Variants in KAT6B observed in about 807,000 individuals in gnomAD.
KAT6B encodes lysine acetyltransferase 6B.
In KAT6B, 10 loss-of-function variants were observed where a neutral mutation model predicts 187.5. That is an observed-to-expected ratio of 0.05 (90% CI 0.03 to 0.09). KAT6B has a LOEUF of 0.09. Ranked by LOEUF, KAT6B falls within the 10% of genes least tolerant of loss-of-function variation. The probability of loss-of-function intolerance (pLI) is 1.00; values close to 1 mark genes in which losing one functional copy is unlikely to be tolerated. For synonymous variants in KAT6B, 861 were observed against 926.8 expected (o/e 0.93, Z 1.29); for missense variants, 1,952 against 2,558.9 (o/e 0.76, Z 5.12).
intron 3 of KAT6B, among the ~76,000 whole-genome samples, chr10:74,922,715 G>GT (rs1179551617): frequency 6.6e-6 from 1 of 152,200 alleles, no homozygotes; most frequent in Non-Finnish European, 1.5e-5. Context: ...GTGTGTGTAT[G>GT]TATGTGTGTT....
chr10:74,860,026 C>T (rs1843069624), intron 3 of KAT6B, among the ~76,000 whole-genome samples: 1 of 152,148 alleles, frequency 6.6e-6, no homozygotes, highest in Non-Finnish European at 1.5e-5. Flanking sequence ...GCATTGAGAA[C>T]ACTTTTTCAG....
In KAT6B at chr10:74,918,125, GAAC is replaced by G. The variant is rs1249931660; in HGVS notation, c.622-41842_622-41840del. 2.6e-5 allele frequency among the ~76,000 whole-genome samples: 4 copies of G among 152,100 alleles called. No homozygotes were observed. In the East Asian group the frequency reaches 7.7e-4, roughly 29 times the overall value. On this transcript the variant is annotated intron_variant, in intron 3 of 17. Transcript: ENST00000287239. ...TACTGTACTTTTGGAAAGAAAAAGA[GAAC>G]AAATAATTATGCTTAGCTGTTGCAA...
At chr10:74,991,080 T>A (rs1843101644) in intron 13 of KAT6B, among the ~76,000 whole-genome samples, 1 of 152,154 alleles carries the variant, frequency 6.6e-6, no homozygotes, top group Non-Finnish European at 1.5e-5. Context: ...TGATCCCACC[T>A]CCTGGAATTT....
intron 3 of KAT6B, among the ~76,000 whole-genome samples, chr10:74,914,165 G>A (rs1564560492): frequency 1.3e-5 from 2 of 150,764 alleles, no homozygotes; most frequent in African/African-American, 2.4e-5. Context: ...CAGCCTGGGT[G>A]ACAGAGCGAG....
intron 3 of KAT6B, among the ~76,000 whole-genome samples, chr10:74,896,326 A>G (rs1414194127): frequency 6.6e-6 from 1 of 152,066 alleles, no homozygotes. Flanking sequence ...GTCTTACTCC[A>G]TCACCCAGGC....
chr10:74,873,784 T>C (rs576689616), intron 3 of KAT6B, among the ~76,000 whole-genome samples: 3 of 152,290 alleles, frequency 2.0e-5, no homozygotes, highest in South Asian at 4.2e-4. Context: ...CCCAAGGTCT[T>C]TTTATTCCCT....
intron 9 of KAT6B, among the ~76,000 whole-genome samples, chr10:74,978,595 T>A (rs984338670): frequency 3.9e-5 from 6 of 152,244 alleles, no homozygotes; most frequent in African/African-American, 7.2e-5. Flanking sequence ...TGGCTTTTTT[T>A]ATTCAAGAAA....
intron 3 of KAT6B, among the ~76,000 whole-genome samples, chr10:74,907,726 C>T (rs1271592026): frequency 6.6e-6 from 1 of 152,084 alleles, no homozygotes; most frequent in African/African-American, 2.4e-5. Context: ...GACAGGGTTT[C>T]ACAATGTTGG....
In KAT6B at chr10:74,862,456, A is replaced by G. The variant is rs375795660; in HGVS notation, c.621+18978A>G. 4.3e-4 allele frequency among the ~76,000 whole-genome samples: 65 copies of G among 152,350 alleles called. No homozygotes were observed. In the South Asian group the frequency reaches 0.013, roughly 32 times the overall value. Reference sequence around the variant, plus strand: ...AGGAGCTTTTAAACGTTAGATGCCCAGATCACACCTCCATGCTGCTTAAAT... The same window carrying G: ...AGGAGCTTTTAAACGTTAGATGCCCGGATCACACCTCCATGCTGCTTAAAT... On this transcript the variant is annotated intron_variant, in intron 3 of 17. Coordinates refer to ENST00000287239, the MANE Select transcript of KAT6B (RefSeq NM_012330.4).
At chr10:74,974,411 AG>A (rs1842031806) in intron 7 of KAT6B, among the ~76,000 whole-genome samples, 1 of 152,176 alleles carries the variant, frequency 6.6e-6, no homozygotes, top group African/African-American at 2.4e-5. Flanking sequence ...ATTCACCTTT[AG>A]CTAAATTGAT....
intron 3 of KAT6B, among the ~76,000 whole-genome samples, chr10:74,901,035 T>C (rs886944207): frequency 1.3e-5 from 2 of 152,240 alleles, no homozygotes; most frequent in African/African-American, 2.4e-5. Context: ...ATCTTAAATA[T>C]CTTTTACACT....
At chr10:74,853,563 G>C (rs1409398701) in intron 3 of KAT6B, among the ~76,000 whole-genome samples, 1 of 151,732 alleles carries the variant, frequency 6.6e-6, no homozygotes, top group South Asian at 2.1e-4. Flanking sequence ...CAAAGTACTG[G>C]GGTTATAGGC....
intron 16 of KAT6B, among the ~76,000 whole-genome samples, chr10:75,024,460 A>G (rs1845661070): frequency 6.6e-6 from 1 of 152,180 alleles, no homozygotes; most frequent in African/African-American, 2.4e-5. Context: ...GTCCTATGGA[A>G]TGAGAAAAAG....
intron 12 of KAT6B, among the ~76,000 whole-genome samples, chr10:74,988,415 CTTG>C (rs1842942715): frequency 2.6e-5 from 4 of 152,162 alleles, no homozygotes; most frequent in East Asian, 3.8e-4. Context: ...TTTAGGGTTT[CTTG>C]TTGTTGTCTT....
chr10:74,938,825 C>T (rs914643124), intron 3 of KAT6B, among the ~76,000 whole-genome samples: 1 of 152,052 alleles, frequency 6.6e-6, no homozygotes, highest in Non-Finnish European at 1.5e-5. Context: ...CAACCTCTGC[C>T]TCCTGGGTTC....
intron 11 of KAT6B, chr10:74,982,323 C>T: frequency 7.8e-6 from 2 of 255,500 alleles, no homozygotes; most frequent in South Asian, 4.6e-5. Context: ...CTGTACATAT[C>T]TCCTCAATAC....
At chr10:75,020,924 T>C (rs1476326226) in intron 14 of KAT6B, 111 bp downstream of exon 14, 1 of 1,012,864 alleles carries the variant, frequency 9.9e-7, no homozygotes, top group Non-Finnish European at 1.5e-6. Context: ...CCTAACAGTA[T>C]TATCAAACCT....
chr10:74,995,983 A>G (rs908884470), intron 13 of KAT6B, among the ~76,000 whole-genome samples: 2 of 152,226 alleles, frequency 1.3e-5, no homozygotes, highest in African/African-American at 4.8e-5. Flanking sequence ...GCTCTGACCC[A>G]GGAGAGACCG....
Position 75,031,873 on chromosome 10 carries a change from A to T in KAT6B, c.*827A>T, listed in dbSNP as rs1480391442. On this transcript the variant is annotated 3_prime_UTR_variant, in exon 18 of 18. Coordinates refer to ENST00000287239, the MANE Select transcript of KAT6B (RefSeq NM_012330.4). ...TTTCATATATGTCCAAATACTTGGCAGGATTTAAAAAAAAATAGTGAATTT... is the reference window on the plus strand; with the variant it reads ...TTTCATATATGTCCAAATACTTGGCTGGATTTAAAAAAAAATAGTGAATTT... 1 of 198,026 alleles carries T rather than the reference A, an allele frequency of 5.0e-6. No individual in the cohort carries two copies. Among genetic ancestry groups the T allele is most frequent in the Non-Finnish European group, 1.0e-5 (1 of 95,616 alleles). The allele number at this position is 198,026 out of a possible 1,614,324, so 12.3% of individuals were successfully genotyped here.
Sources: allele counts gnomAD v4.1 joint callset (sites outside exome capture counted in the v4.1 genomes callset), GRCh38; gene constraint gnomAD v4.1.1; transcripts MANE v1.5; gene names NCBI Gene and HGNC (gene_info 2026-07-23, HGNC 2026-07-21).